The following AGO1 variants were observed in gnomAD, a reference collection of about 807,000 sequenced individuals.
AGO1 encodes the protein protein argonaute-1.
Under a neutral mutation model 109.2 loss-of-function variants are expected in AGO1, and 11 were observed. That is an observed-to-expected ratio of 0.10 (90% confidence interval 0.06 to 0.17). The LOEUF is 0.17. AGO1 is among the 10% of genes least tolerant of loss of function. The pLI is 1.00. For missense variants in AGO1, 574 were observed against 1,140.3 expected (o/e 0.50, Z 7.15); for synonymous variants, 422 against 418.6 (o/e 1.01, Z -0.10).
rs1645975778 is a variant in AGO1, at chr1:35,928,573, A to G, written c.*8966A>G. ...TGCTGGAATTACAGGCATAAGCCAC[A>G]AGCCACTGGGCCCAGCCTCTTTTAC... On this transcript the variant is annotated 3_prime_UTR_variant, in exon 19 of 19. Coordinates refer to ENST00000373204, the MANE Select transcript of AGO1 (RefSeq NM_012199.5). 1 of 149,782 alleles carries G rather than the reference A, an allele frequency of 6.7e-6. No individual in the cohort carries two copies. The highest frequency in any genetic ancestry group is 6.6e-5 in the Admixed American group (1 of 15,192). The allele number at this position is 149,782 out of a possible 1,614,324, so 9.3% of individuals were successfully genotyped here.
Position 35,922,386 on chromosome 1 carries a change from G to A in AGO1, c.*2779G>A, listed in dbSNP as rs1461734061. On this transcript the variant is annotated 3_prime_UTR_variant, in exon 19 of 19. Transcript: ENST00000373204. ...AGGTGGTGCATGCAGATGGAGAAGT[G>A]GTGTTGGCAGCAAGCTTTGGCTCAT... 1.3e-5 allele frequency: 2 copies of A among 152,236 alleles called. No individual in the cohort carries two copies. Among genetic ancestry groups the A allele is most frequent in the African/African-American group, 4.8e-5 (2 of 41,448 alleles). 9.4% of individuals were successfully genotyped at this position (152,236 alleles called of 1,614,324 possible).
rs564025142 is a variant in AGO1, at chr1:35,921,083, C to G, written c.*1476C>G. 6.5e-6 allele frequency: 1 copy of G among 152,786 alleles called. No individual in the cohort carries two copies. Among genetic ancestry groups the G allele is most frequent in the Non-Finnish European group, 1.5e-5 (1 of 68,170 alleles). The allele number at this position is 152,786 out of a possible 1,614,324, so 9.5% of individuals were successfully genotyped here. ...ATACCTTTTTCTTGCTATAGCCTCCCTCCTCTGCACTGTCCTGCACTCTTT... is the reference window on the plus strand; with the variant it reads ...ATACCTTTTTCTTGCTATAGCCTCCGTCCTCTGCACTGTCCTGCACTCTTT... On this transcript the variant is annotated 3_prime_UTR_variant, in exon 19 of 19. Coordinates refer to ENST00000373204, the MANE Select transcript of AGO1 (RefSeq NM_012199.5).
intron 12 of AGO1, among the ~76,000 whole-genome samples, chr1:35,911,867 C>T (rs1210327653): frequency 1.3e-5 from 2 of 152,286 alleles, no homozygotes; most frequent in East Asian, 3.9e-4. Context: ...TTGTTGACCA[C>T]TTGCTCCTTC....
chr1:35,926,214 TTG>T lies in AGO1; in HGVS notation c.*6608_*6609del, dbSNP rs1645924240. ...CTATAAACTTTAGTTTTAGAAAAGA[TTG>T]ATATTGAAAAGCCTTCAGGATTTGC... On this transcript the variant is annotated 3_prime_UTR_variant, in exon 19 of 19. Transcript: ENST00000373204. The T allele has an allele frequency of 6.6e-6, 1 of 152,198 alleles. No individual in the cohort carries two copies. The highest frequency in any genetic ancestry group is 1.5e-5 in the Non-Finnish European group (1 of 68,042). The allele number at this position is 152,198 out of a possible 1,614,324, so 9.4% of individuals were successfully genotyped here. A position where few individuals can be genotyped will look rare whatever the true frequency, so the allele number is the denominator to read the frequency against.
chr1:35,911,922 A>G (rs529931015), intron 12 of AGO1, among the ~76,000 whole-genome samples: 1 of 152,072 alleles, frequency 6.6e-6, no homozygotes, highest in African/African-American at 2.4e-5. Context: ...ATACAACACT[A>G]TCTTAGTCTT....
At chr1:35,889,848 G>A (rs1048408344) in intron 2 of AGO1, among the ~76,000 whole-genome samples, 1 of 151,592 alleles carries the variant, frequency 6.6e-6, no homozygotes, top group Non-Finnish European at 1.5e-5. Flanking sequence ...GAGTAGCTGG[G>A]ACTATAGGTG....
chr1:35,875,286 C>A (rs531782633), intron 1 of AGO1, among the ~76,000 whole-genome samples: 3 of 152,080 alleles, frequency 2.0e-5, no homozygotes, highest in Non-Finnish European at 2.9e-5. Context: ...ACCAGTCCTC[C>A]GTTACCATTA....
chr1:35,895,093 C>T (rs760187839), intron 7 of AGO1, 29 bp from the exon 8 acceptor site: 1 of 1,589,038 alleles, frequency 6.3e-7, no homozygotes, highest in South Asian at 1.1e-5. Flanking sequence ...TGGGTTATGA[C>T]ACCCCCTTCC....
intron 12 of AGO1, among the ~76,000 whole-genome samples, chr1:35,910,597 A>C (rs1229692938): frequency 6.6e-6 from 1 of 152,076 alleles, no homozygotes; most frequent in Non-Finnish European, 1.5e-5. Context: ...CCTATATTTA[A>C]ACTTTATATA....
upstream of AGO1, among the ~76,000 whole-genome samples, chr1:35,878,219 G>A (rs954478015): frequency 2.0e-5 from 3 of 151,894 alleles, 1 homozygote; most frequent in Middle Eastern, 6.8e-3. Context: ...GAGCAGCTGG[G>A]ACTTTAGGCA....
rs1645870679 is a variant in AGO1, at chr1:35,923,529, G to A, written c.*3922G>A. Reference sequence around the variant, plus strand: ...ATTTTTATTTATATATGGGGCCTAGGCCAATCCAGGATGGTAGCTGGAATA... The same window carrying A: ...ATTTTTATTTATATATGGGGCCTAGACCAATCCAGGATGGTAGCTGGAATA... On this transcript the variant is annotated 3_prime_UTR_variant, in exon 19 of 19. Coordinates refer to ENST00000373204, the MANE Select transcript of AGO1 (RefSeq NM_012199.5). The A allele has an allele frequency of 6.6e-6, 1 of 152,668 alleles. No individual in the cohort carries two copies. The highest frequency in any genetic ancestry group is 1.9e-4 in the East Asian group (1 of 5,190). 9.5% of individuals were successfully genotyped at this position (152,668 alleles called of 1,614,324 possible).
intron 12 of AGO1, among the ~76,000 whole-genome samples, chr1:35,909,179 T>A (rs1370910747): frequency 1.3e-5 from 2 of 152,170 alleles, no homozygotes; most frequent in African/African-American, 2.4e-5. Flanking sequence ...CAAAAAAACC[T>A]TCATTGATTC....
In AGO1 at chr1:35,895,192, A is replaced by G. The variant is rs1420666776; in HGVS notation, c.943A>G (p.Asn315Asp). The G allele has an allele frequency of 6.2e-7, 1 of 1,614,124 alleles. No homozygotes were observed. The highest frequency in any genetic ancestry group is 8.5e-7 in the Non-Finnish European group (1 of 1,180,018). The part of the protein sequence containing the change: ...TVAQYFKQKY[N>D]LQLKYPHLPC... ...GGCACAGTATTTCAAGCAGAAATAT[A>G]ACCTTCAGCTCAAGTATCCCCATCT... Residue 315 changes from asparagine (N) to aspartate (D), a missense_variant, in exon 8 of 19, where the codon AAC becomes GAC. Asn to Asp is a conservative substitution (Grantham distance 23). Around this residue, in one of 8 missense-constraint regions of AGO1, gnomAD observed 42 missense variants for 142.4 expected, o/e 0.29. Transcript: ENST00000373204.
intron 1 of AGO1, chr1:35,873,525 GC>G (rs1207198419): frequency 6.5e-6 from 1 of 152,968 alleles, no homozygotes; most frequent in Non-Finnish European, 1.5e-5. Context: ...ATAGCTATAA[GC>G]TTTTTACAAT....
At chr1:35,879,917 A>G (rs559982400), upstream of AGO1, among the ~76,000 whole-genome samples, 1 of 152,162 alleles carries the variant, frequency 6.6e-6, no homozygotes, top group African/African-American at 2.4e-5. Flanking sequence ...AATAGTGACT[A>G]CTGCCTTTGC....
At chr1:35,910,365 G>A (rs1645610131) in intron 12 of AGO1, among the ~76,000 whole-genome samples, 1 of 151,440 alleles carries the variant, frequency 6.6e-6, no homozygotes, top group Non-Finnish European at 1.5e-5. Context: ...ATATTTAATT[G>A]CTTCCTCTCC....
At position 35,884,292 on chromosome 1, in the gene AGO1, G is replaced by A. The variant is rs577288189; in HGVS notation, c.25+846G>A. On this transcript the variant is annotated intron_variant, in intron 1 of 18. Transcript: ENST00000373204. ...GCATTTTTCTGCCACAGGAAAGACT[G>A]GGACCGAAGCGATGGGTTCTGGGGG... 5.3e-5 allele frequency among the ~76,000 whole-genome samples: 8 copies of A among 152,266 alleles called. No individual in the cohort carries two copies. The East Asian group carries it at 1.5e-3, about 29-fold the overall frequency.
Position 35,929,460 on chromosome 1 carries a change from G to A in AGO1, c.*9853G>A, listed in dbSNP as rs1254691093. ...GTCTATTCTGGAAGAAGCTGAAGAA[G>A]TCTGCCTTTGTTTAGGGAACCGGTT... On this transcript the variant is annotated 3_prime_UTR_variant, in exon 19 of 19. Transcript: ENST00000373204. 2.0e-5 allele frequency: 3 copies of A among 152,224 alleles called. No individual in the cohort carries two copies. The highest frequency in any genetic ancestry group is 7.2e-5 in the African/African-American group (3 of 41,444). 9.4% of individuals were successfully genotyped at this position (152,224 alleles called of 1,614,324 possible).
rs1266008282 is a variant in AGO1 at position 35,902,347 on chromosome 1, G to A, written c.1397+10G>A. 1 of 1,612,830 alleles carries A rather than the reference G, an allele frequency of 6.2e-7. No individual in the cohort carries two copies. The highest frequency in any genetic ancestry group is 1.3e-5 in the African/African-American group (1 of 75,054). ...GAGAAGAGGTGCTCAAGTAAGGAGGGTTCGCTGTAGGGGTGGAAGGGTGGG... is the reference window on the plus strand; with the variant it reads ...GAGAAGAGGTGCTCAAGTAAGGAGGATTCGCTGTAGGGGTGGAAGGGTGGG... On this transcript the variant is annotated intron_variant, in intron 11 of 18. Transcript: ENST00000373204.
Sources: gnomAD v4.1 joint callset for allele counts (sites outside exome capture counted in the v4.1 genomes callset) on GRCh38, gnomAD v4.1.1 for gene constraint, gnomAD v4.1.1 regional missense constraint, MANE v1.5 for transcripts, NCBI Gene and HGNC (gene_info 2026-07-23, HGNC 2026-07-21) for gene names.